Variants in NRXN1 observed in about 807,000 individuals in gnomAD.
NRXN1 encodes neurexin 1.
A neutral mutation model predicts 150.9 loss-of-function variants in NRXN1; 39 were observed. The ratio of observed to expected loss-of-function variants is 0.26; its 90% CI spans 0.20 to 0.34. The LOEUF is 0.34. Ranked by LOEUF, NRXN1 falls within the 10% of genes least tolerant of loss-of-function variation. The pLI is 1.00. For missense variants in NRXN1, 1,815 were observed against 1,949.9 expected (o/e 0.93, Z 1.30); for synonymous variants, 924 against 757.0 (o/e 1.22, Z -3.62).
chr2:50,139,745 A>G (rs1706991273), intron 18 of NRXN1, among the ~76,000 whole-genome samples: 2 of 152,332 alleles, frequency 1.3e-5, no homozygotes, highest in Middle Eastern at 3.4e-3. Flanking sequence ...TTCTTACTCG[A>G]CTAGTCACAT....
intron 18 of NRXN1, among the ~76,000 whole-genome samples, chr2:50,219,940 A>C: frequency 8.1e-5 from 5 of 61,438 alleles, no homozygotes; most frequent in Middle Eastern, 6.7e-3. Context: ...TATATATTAT[A>C]TATTATATAT....
intron 5 of NRXN1, among the ~76,000 whole-genome samples, chr2:50,692,728 T>C (rs1262683951): frequency 1.3e-5 from 2 of 152,106 alleles, no homozygotes; most frequent in Admixed American, 1.3e-4. Context: ...TTGGGTAGTA[T>C]GATTCACTCT....
chr2:50,768,374 T>A (rs189484366), intron 5 of NRXN1, among the ~76,000 whole-genome samples: 1 of 151,988 alleles, frequency 6.6e-6, no homozygotes, highest in Non-Finnish European at 1.5e-5. Flanking sequence ...AGTGGCATGA[T>A]CACGACTCAC....
intron 5 of NRXN1, among the ~76,000 whole-genome samples, chr2:50,768,888 A>C (rs1702664866): frequency 6.6e-6 from 1 of 151,630 alleles, no homozygotes. Flanking sequence ...GGCAGTGACA[A>C]CCACCACGAA....
At chr2:50,083,778 G>C (rs565061960) in intron 19 of NRXN1, among the ~76,000 whole-genome samples, 82 of 151,924 alleles carry the variant, frequency 5.4e-4, no homozygotes, top group Non-Finnish European at 9.6e-4. Context: ...AGACACAAAC[G>C]TTCTCCACCT....
chr2:50,413,599 C>G (rs145430369), intron 17 of NRXN1, among the ~76,000 whole-genome samples: 1 of 152,116 alleles, frequency 6.6e-6, no homozygotes, highest in Non-Finnish European at 1.5e-5. Flanking sequence ...TAAATTAGTA[C>G]AACCACTATA....
chr2:50,244,175 T>C (rs1359002056), intron 17 of NRXN1, among the ~76,000 whole-genome samples: 1 of 151,892 alleles, frequency 6.6e-6, no homozygotes, highest in Non-Finnish European at 1.5e-5. Context: ...AAAAAGAGTA[T>C]GGTACATGAA....
chr2:50,631,708 G>T (rs1682354436), intron 5 of NRXN1, among the ~76,000 whole-genome samples: 2 of 151,836 alleles, frequency 1.3e-5, no homozygotes, highest in African/African-American at 2.4e-5. Context: ...ATAACCAAAG[G>T]TGCTGAGAAC....
rs576625225 is a variant in NRXN1 at position 50,344,091 on chromosome 2, G to C, written c.3365-107121C>G. Among the ~76,000 whole-genome samples, 25 of 152,166 alleles carry C rather than the reference G, an allele frequency of 1.6e-4. No homozygotes were observed. In the South Asian group the frequency reaches 3.5e-3, roughly 22 times the overall value. On this transcript the variant is annotated intron_variant, in intron 17 of 22. Transcript: ENST00000401669. ...TGTGGGTCCTTTGTCCCAACAACTAGCGAAATATTCAGAGAGCTATTGACC... is the reference window on the plus strand; with the variant it reads ...TGTGGGTCCTTTGTCCCAACAACTACCGAAATATTCAGAGAGCTATTGACC...
rs114427712 is a variant in NRXN1 at position 50,292,544 on chromosome 2, C to A, written c.3365-55574G>T. Among the ~76,000 whole-genome samples the A allele has an allele frequency of 3.9e-3, 598 of 152,212 alleles. 9 individuals carry two copies. The highest frequency in any genetic ancestry group is 0.014 in the African/African-American group (565 of 41,530). Reference sequence around the variant, plus strand: ...TTCCCAACAGTCAGATCCATTGTCCCCACTTAAGAAAAGCATGCAAGAGCT... The same window carrying A: ...TTCCCAACAGTCAGATCCATTGTCCACACTTAAGAAAAGCATGCAAGAGCT... On this transcript the variant is annotated intron_variant, in intron 17 of 22. Transcript: ENST00000401669.
intron 20 of NRXN1, 111 bp from the exon 21 acceptor site, chr2:50,053,701 AAG>A (rs777906604): frequency 3.9e-5 from 42 of 1,082,610 alleles, no homozygotes; most frequent in Non-Finnish European, 5.4e-5. Context: ...AATAAACTAT[AAG>A]AGAGGCATTT....
chr2:50,416,077 C>T (rs565977680), intron 17 of NRXN1, among the ~76,000 whole-genome samples: 2 of 151,846 alleles, frequency 1.3e-5, no homozygotes, highest in African/African-American at 4.8e-5. Flanking sequence ...GTGAGCAATA[C>T]AGTCAACAGT....
intron 17 of NRXN1, among the ~76,000 whole-genome samples, chr2:50,311,473 T>C (rs2075177282): frequency 6.6e-6 from 1 of 152,068 alleles, no homozygotes; most frequent in South Asian, 2.1e-4. Flanking sequence ...AGCTCAAGAA[T>C]GAAGAAACCA....
intron 13 of NRXN1, among the ~76,000 whole-genome samples, chr2:50,499,692 A>G (rs2091842098): frequency 6.6e-6 from 1 of 152,152 alleles, no homozygotes; most frequent in South Asian, 2.1e-4. Context: ...TCACGCCTGT[A>G]ATCCCAGCAT....
At chr2:50,505,008 A>G (rs2092146147) in intron 13 of NRXN1, among the ~76,000 whole-genome samples, 1 of 152,158 alleles carries the variant, frequency 6.6e-6, no homozygotes, top group Non-Finnish European at 1.5e-5. Context: ...TCTGAACTCC[A>G]AGACTATAAA....
chr2:50,157,472 T>C (rs553869123), intron 18 of NRXN1, among the ~76,000 whole-genome samples: 2 of 152,092 alleles, frequency 1.3e-5, no homozygotes, highest in Non-Finnish European at 2.9e-5. Context: ...TGAGCCAACA[T>C]TATGCTACTT....
chr2:50,084,177 C>T (rs769515633), intron 19 of NRXN1, among the ~76,000 whole-genome samples: 19 of 152,232 alleles, frequency 1.2e-4, no homozygotes, highest in Non-Finnish European at 2.8e-4. Flanking sequence ...CTGGCTTCAC[C>T]CAGCGTATCC....
chr2:50,922,748 T>C (rs1378308764), intron 3 of NRXN1, 61 bp from the exon 4 acceptor site: 1 of 1,537,942 alleles, frequency 6.5e-7, no homozygotes, highest in African/African-American at 1.4e-5. Flanking sequence ...GGCAGGGTTG[T>C]CACGGTGACA....
At chr2:50,062,598 C>T (rs1355485423) in intron 19 of NRXN1, among the ~76,000 whole-genome samples, 1 of 152,014 alleles carries the variant, frequency 6.6e-6, no homozygotes, top group Non-Finnish European at 1.5e-5. Context: ...TACAAAGAAT[C>T]AAGGTAAGTA....
Sources: gnomAD v4.1 joint callset for allele counts (sites outside exome capture counted in the v4.1 genomes callset) on GRCh38, gnomAD v4.1.1 for gene constraint, MANE v1.5 for transcripts, NCBI Gene and HGNC (gene_info 2026-07-23, HGNC 2026-07-21) for gene names.